COL4A3: variants seen among roughly 807,000 people sequenced by gnomAD.
The protein encoded by COL4A3 is collagen alpha-3(IV) chain.
A neutral mutation model predicts 217.4 loss-of-function variants in COL4A3; 135 were observed. The observed-to-expected ratio is 0.62, with a 90% confidence interval of 0.54 to 0.72. The LOEUF is 0.72. Among genes scored for constraint, COL4A3 ranks in the 30% least tolerant of loss-of-function variants. The probability of loss-of-function intolerance (pLI) is 0.00; values close to 1 mark genes in which losing one functional copy is unlikely to be tolerated. For missense variants in COL4A3, 1,868 were observed against 2,119.9 expected (o/e 0.88, Z 2.33); for synonymous variants, 690 against 736.3 (o/e 0.94, Z 1.02).
chr2:227,281,657 T>A (rs1219039322), intron 31 of COL4A3: 29 of 152,888 alleles, frequency 1.9e-4, no homozygotes, highest in Admixed American at 1.9e-3. Flanking sequence ...AGACCTTAAC[T>A]GTTACAGTGG....
rs1476039386 is a variant in COL4A3 at position 227,256,393 on chromosome 2, T to A, written c.984T>A (p.Ile328=). The A allele has an allele frequency of 1.2e-6, 2 of 1,612,810 alleles. No individual in the cohort carries two copies. The highest frequency in any genetic ancestry group is 1.7e-6 in the Non-Finnish European group (2 of 1,178,826). ...CTGGGTTAATGGGTGAAGATGGCAT[T>A]AAGGTAATCCTCTCCCTAATAGCCT... ...GFPGLMGEDG[I]KGQKGDIGPP... Residue 328 remains isoleucine, a synonymous_variant, in exon 17 of 52, where the codon ATT becomes ATA. Coordinates refer to ENST00000396578, the MANE Select transcript of COL4A3 (RefSeq NM_000091.5).
intron 3 of COL4A3, among the ~76,000 whole-genome samples, chr2:227,243,573 G>C (rs771156899): frequency 3.5e-4 from 54 of 152,326 alleles, no homozygotes; most frequent in Middle Eastern, 6.8e-3. Context: ...TGCAATCTCA[G>C]AGGATTCTGT....
intron 9 of COL4A3, 109 bp downstream of exon 9, chr2:227,248,629 C>T: frequency 1.4e-6 from 1 of 732,100 alleles, no homozygotes; most frequent in South Asian, 1.5e-5. Context: ...CCCTCTCACT[C>T]TCTTAAGAAG....
At chr2:227,166,901 TA>T (rs1191752673) in intron 1 of COL4A3, among the ~76,000 whole-genome samples, 1 of 152,054 alleles carries the variant, frequency 6.6e-6, no homozygotes, top group African/African-American at 2.4e-5. Flanking sequence ...TTCTCATGTG[TA>T]AAATGAGAGT....
At chr2:227,248,665 T>C in intron 9 of COL4A3, 145 bp downstream of exon 9, 4 of 628,522 alleles carry the variant, frequency 6.4e-6, no homozygotes, top group Non-Finnish European at 1.1e-5. Context: ...TCCTATTTAT[T>C]CTATTTACAT....
intron 41 of COL4A3, among the ~76,000 whole-genome samples, 165 bp from the exon 42 acceptor site, chr2:227,297,509 C>T (rs925868518): frequency 6.6e-6 from 1 of 152,108 alleles, no homozygotes; most frequent in Non-Finnish European, 1.5e-5. Flanking sequence ...TTTTGTAGCT[C>T]TATATTGCAT....
At chr2:227,210,890 A>C (rs188871525) in intron 1 of COL4A3, among the ~76,000 whole-genome samples, 1 of 152,220 alleles carries the variant, frequency 6.6e-6, no homozygotes, top group Admixed American at 6.5e-5. Context: ...GGAACTCTAT[A>C]TAAATGGAAT....
chr2:227,178,509 A>G (rs1384863323), intron 1 of COL4A3, among the ~76,000 whole-genome samples: 1 of 152,142 alleles, frequency 6.6e-6, no homozygotes, highest in Non-Finnish European at 1.5e-5. Context: ...CAAATGTCTG[A>G]TTTAGATGAT....
At chr2:227,231,300 G>A (rs1028485510) in intron 1 of COL4A3, among the ~76,000 whole-genome samples, 2 of 152,146 alleles carry the variant, frequency 1.3e-5, no homozygotes, top group African/African-American at 4.8e-5. Flanking sequence ...GCTCAGAGCT[G>A]GAGGCGTCCC....
Position 227,249,230 on chromosome 2 carries a change from A to ATATATTTTTT in COL4A3, c.546+711_546+712insATATTTTTTT. Among the ~76,000 whole-genome samples, 13 of 14,688 alleles carry ATATATTTTTT rather than the reference A, an allele frequency of 8.9e-4. 2 individuals are homozygous for ATATATTTTTT. Among genetic ancestry groups the ATATATTTTTT allele is most frequent in the East Asian group, 2.7e-3 (1 of 376 alleles). The allele number at this position is 14,688 out of a possible 152,430, so 9.6% of individuals were successfully genotyped here. A position where few individuals can be genotyped will look rare whatever the true frequency, so the allele number is the denominator to read the frequency against. ...TTAGCTAGTATATATATATATATAT[A>ATATATTTTTT]TTTTTTTTTTTTTTTTTTTTTTTGA... is the stretch of plus-strand genomic sequence containing the variant. On this transcript the variant is annotated intron_variant, in intron 9 of 51. Transcript: ENST00000396578.
intron 1 of COL4A3, among the ~76,000 whole-genome samples, chr2:227,202,763 A>ATATCATATATATATTATATATATATG (rs2066756009): frequency 3.6e-5 from 4 of 109,630 alleles, no homozygotes; most frequent in African/African-American, 1.3e-4. Context: ...ATATATATAT[A>ATATCATATATATATTATATATATATG]TATATATATC....
At chr2:227,211,498 G>A (rs1487370977) in intron 1 of COL4A3, among the ~76,000 whole-genome samples, 1 of 152,124 alleles carries the variant, frequency 6.6e-6, no homozygotes, top group Non-Finnish European at 1.5e-5. Context: ...ACACCAGGGT[G>A]GAATTGCTGT....
At position 227,283,849 on chromosome 2, in the gene COL4A3, G is replaced by A. The variant is rs2106171980; in HGVS notation, c.2739G>A (p.Gly913=). ...PGPPGNPGTP[G]QRGSPGIPGV... Reference sequence around the variant, plus strand: ...CCCCTGGGAACCCAGGCACACCAGGGCAGAGGGGTAAGTGATAGAGTGTCT... The same window carrying A: ...CCCCTGGGAACCCAGGCACACCAGGACAGAGGGGTAAGTGATAGAGTGTCT... Residue 913 remains glycine (G), a synonymous_variant, in exon 33 of 52, where the codon GGG becomes GGA. Coordinates refer to ENST00000396578, the MANE Select transcript of COL4A3 (RefSeq NM_000091.5). 1 of 1,613,014 alleles carries A rather than the reference G, an allele frequency of 6.2e-7. No individual in the cohort carries two copies. The highest frequency in any genetic ancestry group is 2.2e-5 in the East Asian group (1 of 44,884).
At chr2:227,244,214 G>A in intron 3 of COL4A3, 106 bp from the exon 4 acceptor site, 4 of 859,948 alleles carry the variant, frequency 4.7e-6, no homozygotes, top group Non-Finnish European at 4.0e-6. Flanking sequence ...ATAATCAGAA[G>A]GGCAAAACAG....
At chr2:227,300,156 G>A (rs2073214766) in intron 43 of COL4A3, among the ~76,000 whole-genome samples, 1 of 152,148 alleles carries the variant, frequency 6.6e-6, no homozygotes, top group Non-Finnish European at 1.5e-5. Flanking sequence ...ACGCCCTCCA[G>A]AAGTAAGAAG....
chr2:227,269,837 A>C, intron 23 of COL4A3, 73 bp from the exon 24 acceptor site: 2 of 1,262,456 alleles, frequency 1.6e-6, no homozygotes, highest in South Asian at 2.4e-5. Context: ...TATTTTCTTC[A>C]TACATTGTAT....
intron 1 of COL4A3, among the ~76,000 whole-genome samples, chr2:227,197,372 C>T (rs773383574): frequency 3.3e-5 from 5 of 152,102 alleles, no homozygotes; most frequent in East Asian, 1.9e-4. Flanking sequence ...TGTGTACCAT[C>T]GAGTATGTCC....
intron 1 of COL4A3, among the ~76,000 whole-genome samples, chr2:227,196,132 G>A (rs1271805765): frequency 2.0e-5 from 3 of 151,906 alleles, no homozygotes; most frequent in Non-Finnish European, 4.4e-5. Context: ...TTATTGAAGG[G>A]AGAAAATTAG....
At chr2:227,301,607 AT>A (rs1317526829) in intron 43 of COL4A3, among the ~76,000 whole-genome samples, 1 of 152,242 alleles carries the variant, frequency 6.6e-6, no homozygotes, top group African/African-American at 2.4e-5. Flanking sequence ...ACACTGGGAT[AT>A]ATAAAGCTTG....
Sources: allele counts gnomAD v4.1 joint callset (sites outside exome capture counted in the v4.1 genomes callset), GRCh38; gene constraint gnomAD v4.1.1; transcripts MANE v1.5; gene names NCBI Gene and HGNC (gene_info 2026-07-23, HGNC 2026-07-21).